PGBD1: variants seen among roughly 807,000 people sequenced by gnomAD.
The protein encoded by PGBD1 is piggyBac transposable element-derived protein 1.
PGBD1 carries 25 observed loss-of-function variants against 34.7 expected under a neutral mutation model. The observed-to-expected ratio is 0.72, with a 90% CI of 0.52 to 1.00. The LOEUF is 1.00. Among genes scored for constraint, PGBD1 ranks in the 50% least tolerant of loss-of-function variants. PGBD1 has a pLI of 0.00. For missense variants in PGBD1, 830 were observed against 959.4 expected (o/e 0.87, Z 1.78); for synonymous variants, 292 against 335.7 (o/e 0.87, Z 1.42).
At chr6:28,285,750 C>T (rs751641562) in intron 3 of PGBD1, 43 bp downstream of exon 3, 16 of 1,585,216 alleles carry the variant, frequency 1.0e-5, no homozygotes, top group East Asian at 2.3e-5. Flanking sequence ...GGGAGCTGGC[C>T]ACTGACACTT....
intron 5 of PGBD1, 50 bp from the exon 6 acceptor site, chr6:28,297,845 T>TTTTAAAAAAAAAAAAAAAAAAA: frequency 3.5e-6 from 1 of 283,634 alleles, no homozygotes; most frequent in Non-Finnish European, 6.6e-6. Context: ...TTTTTTTTTT[T>TTTTAAAAAAAAAAAAAAAAAAA]CAAAATTCAC....
In PGBD1 at chr6:28,301,018, G is replaced by C. The variant is rs760919742; in HGVS notation, c.1164G>C (p.Lys388Asn). The C allele has an allele frequency of 1.2e-6, 2 of 1,614,196 alleles. No individual in the cohort carries two copies. Among genetic ancestry groups the C allele is most frequent in the Non-Finnish European group, 1.7e-6 (2 of 1,180,046 alleles). ...KKLKVSCFPE[K>N]SWTKRDIKPN... Reference sequence around the variant, plus strand: ...TAAAGGTATCATGTTTCCCAGAAAAGAGTTGGACCAAAAGAGACATTAAAC... The same window carrying C: ...TAAAGGTATCATGTTTCCCAGAAAACAGTTGGACCAAAAGAGACATTAAAC... Residue 388 changes from lysine to asparagine, a missense_variant, in exon 7 of 7, where the codon AAG becomes AAC. By Grantham distance (94) the Lys-to-Asn change is moderately conservative (BLOSUM62 0). Transcript: ENST00000682144.
intron 3 of PGBD1, among the ~76,000 whole-genome samples, chr6:28,286,753 C>T (rs1385196833): frequency 6.6e-6 from 1 of 152,118 alleles, no homozygotes; most frequent in South Asian, 2.1e-4. Context: ...CTCCTTGATC[C>T]TTCCTTTATC....
chr6:28,284,007 T>A lies in PGBD1; in HGVS notation c.194T>A (p.Leu65His). 6.2e-7 allele frequency: 1 copy of A among 1,614,034 alleles called. No individual in the cohort carries two copies. Among genetic ancestry groups the A allele is most frequent in the Non-Finnish European group, 8.5e-7 (1 of 1,179,942 alleles). The change falls in exon 2 of 7, where the codon CTC (leucine) becomes CAC (histidine). Residue 65 changes from leucine to histidine, a missense_variant. By Grantham distance (99) the Leu-to-His change is moderately conservative (BLOSUM62 -3). Around this residue, in one of 3 missense-constraint regions of PGBD1, gnomAD observed 457 missense variants for 515.4 expected, o/e 0.89. Transcript: ENST00000682144. ...AHGPQEALAQLRELCHQWLRP... is the reference protein window; with the variant it reads ...AHGPQEALAQHRELCHQWLRP... ...GGACCCCAGGAAGCTCTGGCCCAACTCCGAGAACTTTGTCATCAATGGCTG... is the reference window on the plus strand; with the variant it reads ...GGACCCCAGGAAGCTCTGGCCCAACACCGAGAACTTTGTCATCAATGGCTG...
rs755323471 is a variant in PGBD1 at position 28,301,736 on chromosome 6, A to G, written c.1882A>G (p.Ser628Gly). 7 of 1,614,076 alleles carry G rather than the reference A, an allele frequency of 4.3e-6. No individual in the cohort carries two copies. The Admixed American group carries it at 8.3e-5, about 19-fold the overall frequency. Residue 628 changes from serine to glycine, a missense_variant, in exon 7 of 7, where the codon AGC becomes GGC. Physicochemically the swap from Ser to Gly is moderately conservative, Grantham distance 56 (BLOSUM62 0). This residue lies in a region of PGBD1 where 372 missense variants were observed against 427.9 expected (regional missense o/e 0.87). Coordinates refer to ENST00000682144, the MANE Select transcript of PGBD1 (RefSeq NM_032507.4). Reference sequence around the variant, plus strand: ...GTATCCCTATCACCTGTGTTTTGATAGCTTCTTTACAAGTGTCAAATTGTT... The same window carrying G: ...GTATCCCTATCACCTGTGTTTTGATGGCTTCTTTACAAGTGTCAAATTGTT... Reference protein sequence around the residue: ...GQYPYHLCFDSFFTSVKLLSA... With the variant: ...GQYPYHLCFDGFFTSVKLLSA...
At chr6:28,286,472 C>G (rs1160603956) in intron 3 of PGBD1, among the ~76,000 whole-genome samples, 2 of 152,130 alleles carry the variant, frequency 1.3e-5, no homozygotes, top group Non-Finnish European at 2.9e-5. Context: ...TTTGGACCTT[C>G]TTGATTATTT....
At chr6:28,297,331 AG>A (rs1296903276) in intron 5 of PGBD1, among the ~76,000 whole-genome samples, 1 of 151,984 alleles carries the variant, frequency 6.6e-6, no homozygotes, top group Non-Finnish European at 1.5e-5. Flanking sequence ...ACCTCAGAGG[AG>A]GTCATCTTCA....
rs1475127565 is a variant in PGBD1, at chr6:28,302,307, C to T, written c.*23C>T. The T allele has an allele frequency of 6.3e-7, 1 of 1,586,028 alleles. No homozygotes were observed. The highest frequency in any genetic ancestry group is 1.1e-5 in the South Asian group (1 of 87,290). ...TAGGGTACATAAAATGGACATAGTG[C>T]AGACATTAATAAGACATAGAAAAAT... On this transcript the variant is annotated 3_prime_UTR_variant, in exon 7 of 7. Coordinates refer to ENST00000682144, the MANE Select transcript of PGBD1 (RefSeq NM_032507.4).
At position 28,293,231 on chromosome 6, in the gene PGBD1, A is replaced by G. The variant is rs572350706; in HGVS notation, c.643-3585A>G. ...GCTGGGATTACAGGCATGAGCCACC[A>G]CGCCAGGCCTCCCATAGAGCTTTCA... On this transcript the variant is annotated intron_variant, in intron 4 of 6. Transcript: ENST00000682144. Among the ~76,000 whole-genome samples the G allele has an allele frequency of 9.9e-5, 15 of 152,216 alleles. No individual in the cohort carries two copies. The South Asian group carries it at 1.5e-3, about 15-fold the overall frequency.
intron 6 of PGBD1, among the ~76,000 whole-genome samples, chr6:28,299,450 G>A (rs1449021644): frequency 6.6e-6 from 1 of 151,960 alleles, no homozygotes; most frequent in Non-Finnish European, 1.5e-5. Context: ...GATGTCAACA[G>A]TAGAAAGACT....
chr6:28,299,119 G>A (rs1762743094), intron 6 of PGBD1, among the ~76,000 whole-genome samples: 1 of 152,202 alleles, frequency 6.6e-6, no homozygotes, highest in Non-Finnish European at 1.5e-5. Flanking sequence ...ATGATGTTCA[G>A]TAACTTAGAG....
rs1762855234 is a variant in PGBD1, at chr6:28,301,860, T to C, written c.2006T>C (p.Met669Thr). ...PLMNVEHMKK[M>T]KRGYFDFRIE... ...ATGAATGTAGAACATATGAAAAAAA[T>C]GAAGAGAGGGTATTTTGATTTCCGA... is the stretch of plus-strand genomic sequence containing the variant. Residue 669 changes from methionine to threonine, a missense_variant, in exon 7 of 7, where the codon ATG becomes ACG. Coordinates refer to ENST00000682144, the MANE Select transcript of PGBD1 (RefSeq NM_032507.4). The C allele has an allele frequency of 6.2e-7, 1 of 1,613,764 alleles. No homozygotes were observed. The highest frequency in any genetic ancestry group is 8.5e-7 in the Non-Finnish European group (1 of 1,179,950).
chr6:28,283,437 G>T (rs1027745943), intron 1 of PGBD1, among the ~76,000 whole-genome samples: 4 of 152,156 alleles, frequency 2.6e-5, no homozygotes, highest in African/African-American at 7.2e-5. Flanking sequence ...GAAGACCTTT[G>T]AGACTGTATT....
chr6:28,297,845 T>TTTTAAAAAAAAA, intron 5 of PGBD1, 50 bp from the exon 6 acceptor site: 1 of 283,634 alleles, frequency 3.5e-6, no homozygotes, highest in Non-Finnish European at 6.6e-6. Context: ...TTTTTTTTTT[T>TTTTAAAAAAAAA]CAAAATTCAC....
intron 2 of PGBD1, among the ~76,000 whole-genome samples, chr6:28,285,090 G>A (rs1762247429): frequency 2.0e-5 from 3 of 152,164 alleles, no homozygotes; most frequent in African/African-American, 7.2e-5. Context: ...TTTTTGAAGA[G>A]TACAGCTAGT....
chr6:28,282,768 G>A (rs1448796261), intron 1 of PGBD1, among the ~76,000 whole-genome samples: 1 of 152,176 alleles, frequency 6.6e-6, no homozygotes, highest in African/African-American at 2.4e-5. Flanking sequence ...GCCCACAGCT[G>A]CTGGCATTTC....
At chr6:28,295,577 CT>C (rs756398839) in intron 4 of PGBD1, among the ~76,000 whole-genome samples, 165 of 152,268 alleles carry the variant, frequency 1.1e-3, no homozygotes, top group Non-Finnish European at 1.6e-3. Context: ...CAGGAAGCCC[CT>C]CTACCAGCAA....
rs375507165 is a variant in PGBD1, at chr6:28,295,886, A to G, written c.643-930A>G. 5.2e-4 allele frequency among the ~76,000 whole-genome samples: 79 copies of G among 152,278 alleles called. No homozygotes were observed. The South Asian group carries it at 0.015, about 29-fold the overall frequency. ...TTTTATTATCAAAATAATTATCTGT[A>G]GTTTGGAATAGGGTGATGATGAGTT... On this transcript the variant is annotated intron_variant, in intron 4 of 6. Coordinates refer to ENST00000682144, the MANE Select transcript of PGBD1 (RefSeq NM_032507.4).
At chr6:28,286,675 C>T (rs1218383315) in intron 3 of PGBD1, among the ~76,000 whole-genome samples, 1 of 152,012 alleles carries the variant, frequency 6.6e-6, no homozygotes, top group Non-Finnish European at 1.5e-5. Flanking sequence ...TTCCTTTCTT[C>T]TGCTTTCCTG....
Sources: allele counts gnomAD v4.1 joint callset (sites outside exome capture counted in the v4.1 genomes callset), GRCh38; gene constraint gnomAD v4.1.1; regional missense constraint gnomAD v4.1.1; transcripts MANE v1.5; gene names NCBI Gene and HGNC (gene_info 2026-07-23, HGNC 2026-07-21).